HTR2C: variants seen among roughly 807,000 people sequenced by gnomAD.
HTR2C encodes the protein 5-hydroxytryptamine receptor 2C.
HTR2C carries 5 observed loss-of-function variants against 21.0 expected under a neutral mutation model. The ratio of observed to expected loss-of-function variants is 0.24; its 90% CI spans 0.12 to 0.50. The LOEUF is 0.50. HTR2C is among the 20% of genes least tolerant of loss of function. The pLI is 0.98. For missense variants in HTR2C, 271 were observed against 371.2 expected, an observed-to-expected ratio of 0.73 and a Z score of 2.22; for synonymous variants, 150 against 145.3, an observed-to-expected ratio of 1.03 and a Z score of -0.23.
chrX:114,647,054 T>C (rs1930388236), intron 2 of HTR2C, among the ~76,000 whole-genome samples: 1 of 111,130 alleles, frequency 9.0e-6, no homozygotes, highest in East Asian at 2.8e-4. Context: ...GAGAGTATAA[T>C]GGTGGTTCCC....
chrX:114,608,261 AC>A (rs1251677414), intron 1 of HTR2C, among the ~76,000 whole-genome samples: 2 of 111,692 alleles, frequency 1.8e-5, no homozygotes, highest in East Asian at 5.6e-4. Flanking sequence ...AGTTTTATTG[AC>A]CTGTAATTCA....
At chrX:114,833,554 T>C (rs1370973290) in intron 4 of HTR2C, among the ~76,000 whole-genome samples, 2 of 109,606 alleles carry the variant, frequency 1.8e-5, no homozygotes, top group East Asian at 5.7e-4. Flanking sequence ...ATATCCCCTT[T>C]ATCATTTTTT....
intron 4 of HTR2C, among the ~76,000 whole-genome samples, chrX:114,746,963 C>A (rs1023420478): frequency 1.8e-5 from 2 of 108,697 alleles, no homozygotes; most frequent in Non-Finnish European, 3.8e-5. Flanking sequence ...CCAGCCTGGG[C>A]GACAGAGCGA....
chrX:114,668,000 A>T (rs782411921), intron 2 of HTR2C, among the ~76,000 whole-genome samples: 17 of 111,947 alleles, frequency 1.5e-4, no homozygotes, highest in African/African-American at 4.9e-4. Flanking sequence ...AAAAATTATC[A>T]CCTGTATCTG....
At chrX:114,725,957 G>C (rs1267195401) in intron 2 of HTR2C, among the ~76,000 whole-genome samples, 4 of 109,402 alleles carry the variant, frequency 3.7e-5, no homozygotes, top group Non-Finnish European at 7.7e-5. Flanking sequence ...AGAGGTTACT[G>C]CTGTCTTTTT....
At position 114,731,565 on chromosome X, in the gene HTR2C, G is replaced by A. The variant is rs782016023; in HGVS notation, c.307G>A (p.Gly103Arg). The change falls in exon 4 of 6, where the codon GGA becomes AGA. Residue 103 changes from glycine to arginine, a missense_variant. Physicochemically the swap from Gly to Arg is moderately radical, Grantham distance 125. This residue lies in a region of HTR2C where 16 missense variants were observed against 19.2 expected (regional missense o/e 0.83). Coordinates refer to ENST00000276198, the MANE Select transcript of HTR2C (RefSeq NM_000868.4). ...CCTAGCCATTGCTGATATGCTAGTG[G>A]GACTACTTGTCATGCCCCTGTCTCT... is the stretch of plus-strand genomic sequence containing the variant. ...MSLAIADMLV[G>R]LLVMPLSLLA... 8.3e-7 allele frequency: 1 copy of A among 1,204,741 alleles called. No homozygotes were observed. Among genetic ancestry groups the A allele is most frequent in the Non-Finnish European group, 1.1e-6 (1 of 890,541 alleles).
At chrX:114,647,385 C>T (rs1210867018) in intron 2 of HTR2C, among the ~76,000 whole-genome samples, 1 of 111,647 alleles carries the variant, frequency 9.0e-6, no homozygotes, top group East Asian at 2.8e-4. Context: ...AAAAATAAAA[C>T]TTAAAAAATA....
At chrX:114,865,488 T>G (rs1347887741) in intron 5 of HTR2C, among the ~76,000 whole-genome samples, 1 of 111,813 alleles carries the variant, frequency 8.9e-6, no homozygotes, top group African/African-American at 3.2e-5. Flanking sequence ...ACATTTAATA[T>G]TCCCACTAGC....
intron 2 of HTR2C, among the ~76,000 whole-genome samples, chrX:114,652,962 G>A (rs781829080): frequency 2.5e-5 from 2 of 80,802 alleles, no homozygotes; most frequent in African/African-American, 4.5e-5. Flanking sequence ...GTAGAAATTT[G>A]AGCGAATATA....
rs782713249 is a variant in HTR2C at position 114,858,753 on chromosome X, CT to C, written c.550+10560del. 7.3e-3 allele frequency among the ~76,000 whole-genome samples: 766 copies of C among 104,875 alleles called. 3 individuals carry two copies. The highest frequency in any genetic ancestry group is 0.024 in the Middle Eastern group (5 of 205). The allele number at this position is 104,875 out of a possible 115,157, so 91.1% of individuals were successfully genotyped here. On this transcript the variant is annotated intron_variant, in intron 5 of 5. Transcript: ENST00000276198. ...TAATACAAGTGGAAGTAGTAGACAT[CT>C]TTTTTTTTTAGTGGAAAACTGCTCA...
intron 4 of HTR2C, among the ~76,000 whole-genome samples, chrX:114,778,876 T>A (rs2070086861): frequency 9.0e-6 from 1 of 111,663 alleles, no homozygotes; most frequent in South Asian, 3.7e-4. Flanking sequence ...AAACATTAAG[T>A]TCCTGGCTAG....
intron 3 of HTR2C, among the ~76,000 whole-genome samples, chrX:114,727,618 A>G (rs1460105891): frequency 1.8e-5 from 2 of 112,144 alleles, no homozygotes; most frequent in Admixed American, 1.9e-4. Flanking sequence ...CGAAGCATAG[A>G]AAAAAATGAT....
At chrX:114,863,618 G>A (rs2071022720) in intron 5 of HTR2C, among the ~76,000 whole-genome samples, 1 of 111,458 alleles carries the variant, frequency 9.0e-6, no homozygotes, top group Non-Finnish European at 1.9e-5. Context: ...GCTGCTGTTG[G>A]ATGTAAAGTT....
chrX:114,705,308 T>C (rs1432456386), intron 2 of HTR2C, among the ~76,000 whole-genome samples: 1 of 111,440 alleles, frequency 9.0e-6, no homozygotes, highest in Non-Finnish European at 1.9e-5. Flanking sequence ...CTTCAAACTA[T>C]ACTACAAGGC....
At chrX:114,706,201 T>C (rs1176693441) in intron 2 of HTR2C, among the ~76,000 whole-genome samples, 1 of 64,113 alleles carries the variant, frequency 1.6e-5, no homozygotes, top group East Asian at 5.3e-4. Flanking sequence ...AGCCATCCCA[T>C]TACTGGGTAT....
chrX:114,734,206 T>A (rs2069565357), intron 4 of HTR2C, among the ~76,000 whole-genome samples: 1 of 110,624 alleles, frequency 9.0e-6, no homozygotes, highest in South Asian at 3.8e-4. Flanking sequence ...GAAAAACAGA[T>A]TACCAAAGAG....
chrX:114,592,122 A>G (rs1426673631), intron 1 of HTR2C, among the ~76,000 whole-genome samples: 1 of 112,041 alleles, frequency 8.9e-6, no homozygotes, highest in Non-Finnish European at 1.9e-5. Flanking sequence ...GACTTCCCTA[A>G]GGTTACAAAT....
chrX:114,763,224 C>A (rs782725673), intron 4 of HTR2C: 13 of 125,668 alleles, frequency 1.0e-4, no homozygotes, highest in Non-Finnish European at 1.7e-4. Flanking sequence ...TGGGCATCCA[C>A]AGTCTCCCAC....
intron 5 of HTR2C, among the ~76,000 whole-genome samples, chrX:114,871,641 T>C (rs1850802687): frequency 9.1e-6 from 1 of 109,623 alleles, no homozygotes; most frequent in African/African-American, 3.3e-5. Flanking sequence ...CATCTGTTTT[T>C]TTTTTTGTAT....
Sources: allele counts gnomAD v4.1 joint callset (sites outside exome capture counted in the v4.1 genomes callset), GRCh38; gene constraint gnomAD v4.1.1; regional missense constraint gnomAD v4.1.1; transcripts MANE v1.5; gene names NCBI Gene and HGNC (gene_info 2026-07-23, HGNC 2026-07-21).